GPAM: variants seen among roughly 807,000 people sequenced by gnomAD.
GPAM encodes glycerol-3-phosphate acyltransferase, mitochondrial, also known as glycerol-3-phosphate acyltransferase 1, mitochondrial.
GPAM carries 56 observed loss-of-function variants against 105.0 expected under a neutral mutation model. That is an observed-to-expected ratio of 0.53 (90% CI 0.43 to 0.67). The LOEUF (loss-of-function observed/expected upper bound fraction) is 0.67. GPAM is among the 30% of genes least tolerant of loss of function. GPAM has a pLI of 0.00. For missense variants in GPAM, 855 were observed against 989.8 expected (o/e 0.86, Z 1.83); for synonymous variants, 368 against 354.4 (o/e 1.04, Z -0.43).
At chr10:112,169,043 A>G (rs1847268731) in intron 9 of GPAM, 91 bp from the exon 10 acceptor site, 1 of 850,748 alleles carries the variant, frequency 1.2e-6, no homozygotes, top group Non-Finnish European at 2.0e-6. Flanking sequence ...TGCCAAGTGG[A>G]TACAAGCCAT....
chr10:112,166,617 T>A (rs887653729), intron 11 of GPAM, 102 bp from the exon 12 acceptor site: 4 of 775,542 alleles, frequency 5.2e-6, no homozygotes, highest in Non-Finnish European at 9.3e-6. Flanking sequence ...AACTGTAAGT[T>A]CATCTTGAAG....
At chr10:112,186,894 A>G (rs1427761215), upstream of GPAM, among the ~76,000 whole-genome samples, 2 of 152,224 alleles carry the variant, frequency 1.3e-5, no homozygotes, top group African/African-American at 4.8e-5. Context: ...ACAAACAAAA[A>G]CAATATTTTG....
chr10:112,186,649 C>T (rs1326686691), upstream of GPAM, among the ~76,000 whole-genome samples: 1 of 152,010 alleles, frequency 6.6e-6, no homozygotes. Flanking sequence ...CAGGTTCAAG[C>T]AATTTTCATG....
chr10:112,198,343 C>T (rs2133290809), intron 1 of GPAM, among the ~76,000 whole-genome samples: 1 of 152,284 alleles, frequency 6.6e-6, no homozygotes, highest in Admixed American at 6.5e-5. Flanking sequence ...GCATGTTTTT[C>T]GTTTCCAGGT....
chr10:112,156,131 T>G, intron 19 of GPAM, 78 bp from the exon 20 acceptor site: 9 of 979,740 alleles, frequency 9.2e-6, no homozygotes, highest in African/African-American at 1.6e-5. Context: ...GGACTTTCTC[T>G]GGAGAGCCAG....
chr10:112,218,772 T>C (rs1248410392), upstream of GPAM, among the ~76,000 whole-genome samples: 1 of 152,226 alleles, frequency 6.6e-6, no homozygotes, highest in Non-Finnish European at 1.5e-5. Flanking sequence ...AGGTTTCAAC[T>C]CATGAGGTTT....
At chr10:112,214,118 G>C (rs1004868818) in intron 1 of GPAM, among the ~76,000 whole-genome samples, 16 of 152,144 alleles carry the variant, frequency 1.1e-4, no homozygotes, top group African/African-American at 3.9e-4. Context: ...ATCCTGTGGG[G>C]GGATCCACAG....
the GPAM span, among the ~76,000 whole-genome samples, chr10:112,225,290 T>C: frequency 0.034 from 5,179 of 152,266 alleles, 303 homozygotes; most frequent in African/African-American, 0.12. Context: ...GCCCCTCTAA[T>C]GGCCTTGCCT....
At chr10:112,158,201 G>A (rs1424292341) in intron 18 of GPAM, 115 bp downstream of exon 18, 1 of 807,154 alleles carries the variant, frequency 1.2e-6, no homozygotes, top group East Asian at 2.4e-5. Flanking sequence ...AAAGTGCTGG[G>A]ATTACAGGCA....
chr10:112,189,982 A>G (rs1258266689), intron 1 of GPAM, among the ~76,000 whole-genome samples: 1 of 152,226 alleles, frequency 6.6e-6, no homozygotes, highest in Admixed American at 6.5e-5. Context: ...TATTTAAACA[A>G]TTAATCAAAA....
rs534121135 is a variant in GPAM, at chr10:112,150,329, T to G, written c.*3221A>C. On this transcript the variant is annotated 3_prime_UTR_variant, in exon 22 of 22. Coordinates refer to ENST00000348367, the MANE Select transcript of GPAM (RefSeq NM_001244949.2). ...TTCTAGATCTGAATTAAAACCTTAT[T>G]TACCCCAATTCATCCATGTATTCTG... The G allele has an allele frequency of 1.0e-6, 1 of 985,012 alleles. No individual in the cohort carries two copies. The highest frequency in any genetic ancestry group is 4.7e-5 in the South Asian group (1 of 21,262). 61.0% of individuals were successfully genotyped at this position (985,012 alleles called of 1,614,324 possible).
At chr10:112,201,756 T>C (rs1564690176) in intron 1 of GPAM, among the ~76,000 whole-genome samples, 1 of 152,218 alleles carries the variant, frequency 6.6e-6, no homozygotes, top group Non-Finnish European at 1.5e-5. Flanking sequence ...TCTTGACCAT[T>C]GTCTATCTTC....
In GPAM at chr10:112,181,852, G is replaced by A. The variant is rs918912290; in HGVS notation, c.-29-39C>T. On this transcript the variant is annotated intron_variant, in intron 2 of 21. Transcript: ENST00000348367. ...GTACCATTTAAATTAACAAGGAATCGAGAGAGTAAATACTAGAACTCAAAA... is the reference window on the plus strand; with the variant it reads ...GTACCATTTAAATTAACAAGGAATCAAGAGAGTAAATACTAGAACTCAAAA... 3.0e-5 allele frequency: 27 copies of A among 900,712 alleles called. 1 individual carries two copies. The highest frequency in any genetic ancestry group is 2.5e-4 in the South Asian group (19 of 75,618). 55.8% of individuals were successfully genotyped at this position (900,712 alleles called of 1,614,324 possible).
chr10:112,173,609 G>C, intron 7 of GPAM, 90 bp downstream of exon 7: 1 of 1,187,278 alleles, frequency 8.4e-7, no homozygotes, highest in Non-Finnish European at 1.3e-6. Context: ...TGGACAAAGA[G>C]AACTGTGCTA....
At position 112,152,387 on chromosome 10, in the gene GPAM, A is replaced by T. The variant is rs1299511463; in HGVS notation, c.*1163T>A. The T allele has an allele frequency of 4.1e-6, 4 of 984,302 alleles. No individual in the cohort carries two copies. The highest frequency in any genetic ancestry group is 4.8e-6 in the Non-Finnish European group (4 of 828,982). 61.0% of individuals were successfully genotyped at this position (984,302 alleles called of 1,614,324 possible). A position where few individuals can be genotyped will look rare whatever the true frequency, so the allele number is the denominator to read the frequency against. ...CTATGTGGCATAAGGGTTTAGGCATATAACCCATAAAAATTTGTTAAAAGT... is the reference window on the plus strand; with the variant it reads ...CTATGTGGCATAAGGGTTTAGGCATTTAACCCATAAAAATTTGTTAAAAGT... On this transcript the variant is annotated 3_prime_UTR_variant, in exon 22 of 22. Transcript: ENST00000348367.
rs773248386 is a variant in GPAM, at chr10:112,177,970, A to G, written c.299+14T>C. 3.5e-6 allele frequency: 5 copies of G among 1,437,632 alleles called. No individual in the cohort carries two copies. The South Asian group carries it at 4.6e-5, about 13-fold the overall frequency. The allele number at this position is 1,437,632 out of a possible 1,614,324, so 89.1% of individuals were successfully genotyped here. A position where few individuals can be genotyped will look rare whatever the true frequency, so the allele number is the denominator to read the frequency against. ...TTTTGAGATGTATTAAAAACATAAG[A>G]AATTTCTTTTTACCTTGTGTGAGTT... On this transcript the variant is annotated intron_variant, in intron 5 of 21. Transcript: ENST00000348367.
chr10:112,159,810 C>G (rs932125270), intron 17 of GPAM, 101 bp downstream of exon 17: 1 of 1,151,090 alleles, frequency 8.7e-7, no homozygotes, highest in African/African-American at 1.5e-5. Context: ...AAAGTATCAA[C>G]AATGGGTCAA....
chr10:112,169,046 C>A (rs879150380), intron 9 of GPAM, 94 bp from the exon 10 acceptor site: 415 of 830,506 alleles, frequency 5.0e-4, no homozygotes, highest in Admixed American at 1.1e-3. Context: ...CAAGTGGATA[C>A]AAGCCATATG....
chr10:112,182,463 T>C (rs950451453), intron 2 of GPAM, among the ~76,000 whole-genome samples: 3 of 152,240 alleles, frequency 2.0e-5, no homozygotes, highest in African/African-American at 7.2e-5. Flanking sequence ...GATAAGCTTT[T>C]TTCTACCCTA....
Sources: allele counts gnomAD v4.1 joint callset (sites outside exome capture counted in the v4.1 genomes callset), GRCh38; gene constraint gnomAD v4.1.1; transcripts MANE v1.5; gene names NCBI Gene and HGNC (gene_info 2026-07-23, HGNC 2026-07-21).